Variants in MCM8 observed in about 807,000 individuals in gnomAD.
MCM8 encodes the protein DNA helicase MCM8.
In MCM8, 85 loss-of-function variants were observed where a neutral mutation model predicts 98.9. That is an observed-to-expected ratio of 0.86 (90% CI 0.72 to 1.03). The LOEUF (loss-of-function observed/expected upper bound fraction) is 1.03. Among genes scored for constraint, MCM8 ranks in the 50% least tolerant of loss-of-function variants. The probability of loss-of-function intolerance (pLI) is 0.00; values close to 1 mark genes in which losing one functional copy is unlikely to be tolerated. For missense variants in MCM8, 951 were observed against 997.8 expected (o/e 0.95, Z 0.63); for synonymous variants, 352 against 338.6 (o/e 1.04, Z -0.44).
intron 8 of MCM8, among the ~76,000 whole-genome samples, chr20:5,965,981 A>G (rs767276981): frequency 2.6e-5 from 4 of 152,136 alleles, no homozygotes; most frequent in Non-Finnish European, 2.9e-5. Flanking sequence ...TCTAAGGAAT[A>G]TTCCCAAGTA....
chr20:5,966,204 C>T (rs1369555863), intron 8 of MCM8, among the ~76,000 whole-genome samples: 1 of 152,010 alleles, frequency 6.6e-6, no homozygotes, highest in Non-Finnish European at 1.5e-5. Flanking sequence ...ACCATTTTAT[C>T]TATCATGCTG....
chr20:5,965,965 A>AT (rs1254930808), intron 8 of MCM8, among the ~76,000 whole-genome samples: 2 of 151,970 alleles, frequency 1.3e-5, no homozygotes, highest in Non-Finnish European at 2.9e-5. Flanking sequence ...GCTTCATTGC[A>AT]TTTTTTCTAA....
chr20:5,956,917 T>C (rs543291326), intron 5 of MCM8, among the ~76,000 whole-genome samples: 1 of 152,228 alleles, frequency 6.6e-6, no homozygotes, highest in East Asian at 1.9e-4. Flanking sequence ...TGCTGGAGTT[T>C]TTCAGCACAG....
chr20:5,957,364 A>T lies in MCM8; in HGVS notation c.590+135A>T, dbSNP rs58310169. The T allele has an allele frequency of 5.3e-6, 3 of 571,052 alleles. No individual in the cohort carries two copies. In the African/African-American group the frequency reaches 5.7e-5, roughly 11 times the overall value. The allele number at this position is 571,052 out of a possible 1,614,324, so 35.4% of individuals were successfully genotyped here. A position where few individuals can be genotyped will look rare whatever the true frequency, so the allele number is the denominator to read the frequency against. ...GTTCCTTGCCATCTCATTGATCATC[A>T]CACTGAAATAAACTCATTGAAAATT... On this transcript the variant is annotated intron_variant, in intron 6 of 18. Transcript: ENST00000610722.
At chr20:5,987,529 A>G (rs1334536559) in intron 17 of MCM8, among the ~76,000 whole-genome samples, 171 bp downstream of exon 17, 1 of 152,192 alleles carries the variant, frequency 6.6e-6, no homozygotes, top group Non-Finnish European at 1.5e-5. Context: ...AATAATCTTT[A>G]CATTAGAAAT....
Position 5,983,140 on chromosome 20 carries a change from G to A in MCM8, c.1708G>A (p.Ala570Thr), listed in dbSNP as rs2089662194. ...TCCAGTTGGAGGACATTACAATAAA[G>A]CCAAAACAGTTTCTGAGAATTTAAA... Reference protein sequence around the residue: ...ANPVGGHYNKAKTVSENLKMG... With the variant: ...ANPVGGHYNKTKTVSENLKMG... The change falls in exon 14 of 19, where the codon GCC becomes ACC. Residue 570 changes from alanine (A) to threonine (T), a missense_variant. Ala to Thr is a moderately conservative substitution (Grantham distance 58). Transcript: ENST00000610722. 9 of 1,611,952 alleles carry A rather than the reference G, an allele frequency of 5.6e-6. No individual in the cohort carries two copies. In the East Asian group the frequency reaches 2.0e-4, roughly 36 times the overall value.
At chr20:5,982,268 C>T (rs186385583) in intron 13 of MCM8, among the ~76,000 whole-genome samples, 147 of 152,258 alleles carry the variant, frequency 9.7e-4, no homozygotes, top group African/African-American at 3.5e-3. Context: ...TCCATATACT[C>T]CTCTGTGCTA....
At chr20:5,994,153 T>C (rs1023675996) in intron 18 of MCM8, 146 bp from the exon 19 acceptor site, 2 of 468,772 alleles carry the variant, frequency 4.3e-6, no homozygotes, top group Non-Finnish European at 3.8e-6. Flanking sequence ...AACTCAAATA[T>C]AGGCAGTTTG....
chr20:5,982,367 G>T (rs892608194), intron 13 of MCM8, among the ~76,000 whole-genome samples: 1 of 152,120 alleles, frequency 6.6e-6, no homozygotes, highest in Non-Finnish European at 1.5e-5. Context: ...TAACCTAACT[G>T]GTATGGGGAG....
At chr20:5,975,555 GGCATGATCTTGGCTCACT>G (rs2089492720) in intron 12 of MCM8, among the ~76,000 whole-genome samples, 1 of 147,884 alleles carries the variant, frequency 6.8e-6, no homozygotes, top group Non-Finnish European at 1.5e-5. Flanking sequence ...GGAGTGCAGT[GGCATGATCTTGGCTCACT>G]GCAAGCTCCG....
rs1204697829 is a variant in MCM8 at position 5,995,928 on chromosome 20, A to T, written c.*1537A>T. ...GTTTAACTATAGGACCAGAACTAAGATGTGGAGACTATTGCCATAGACCAC... is the reference window on the plus strand; with the variant it reads ...GTTTAACTATAGGACCAGAACTAAGTTGTGGAGACTATTGCCATAGACCAC... On this transcript the variant is annotated 3_prime_UTR_variant, in exon 19 of 19. Transcript: ENST00000610722. 1.3e-5 allele frequency: 2 copies of T among 152,240 alleles called. No individual in the cohort carries two copies. The highest frequency in any genetic ancestry group is 1.9e-4 in the East Asian group (1 of 5,200). The allele number at this position is 152,240 out of a possible 1,614,324, so 9.4% of individuals were successfully genotyped here. A position where few individuals can be genotyped will look rare whatever the true frequency, so the allele number is the denominator to read the frequency against.
chr20:5,993,868 T>C (rs901234474), intron 18 of MCM8, 173 bp downstream of exon 18: 2 of 516,606 alleles, frequency 3.9e-6, no homozygotes, highest in African/African-American at 1.9e-5. Flanking sequence ...TCTATGTTTT[T>C]CTGACTGTCT....
At chr20:5,963,242 A>C in intron 7 of MCM8, 32 bp from the exon 8 acceptor site, 3 of 1,500,942 alleles carry the variant, frequency 2.0e-6, no homozygotes, top group Non-Finnish European at 2.8e-6. Flanking sequence ...GTTTATCAAA[A>C]TCTGAATGTG....
chr20:5,992,000 C>G (rs564128180), intron 17 of MCM8, among the ~76,000 whole-genome samples: 1 of 152,180 alleles, frequency 6.6e-6, no homozygotes, highest in Admixed American at 6.5e-5. Context: ...TCTGAGTTAC[C>G]AGAGCACTTA....
At chr20:5,960,257 C>A (rs1223057893) in intron 7 of MCM8, among the ~76,000 whole-genome samples, 1 of 151,890 alleles carries the variant, frequency 6.6e-6, no homozygotes, top group Non-Finnish European at 1.5e-5. Context: ...ATCTAATGTT[C>A]ATTTTCCTGT....
At chr20:5,981,622 C>T (rs915277240) in intron 13 of MCM8, among the ~76,000 whole-genome samples, 4 of 151,966 alleles carry the variant, frequency 2.6e-5, no homozygotes, top group Non-Finnish European at 5.9e-5. Context: ...TATACTGTGT[C>T]GGAAGAAATA....
At chr20:5,952,318 A>T in intron 2 of MCM8, 106 bp from the exon 3 acceptor site, 2 of 1,553,300 alleles carry the variant, frequency 1.3e-6, no homozygotes, top group Non-Finnish European at 1.7e-6. Context: ...TTTTACTAAA[A>T]CCCCTAATTT....
intron 5 of MCM8, among the ~76,000 whole-genome samples, chr20:5,955,664 C>T (rs1436936955): frequency 6.6e-6 from 1 of 152,130 alleles, no homozygotes; most frequent in Non-Finnish European, 1.5e-5. Flanking sequence ...CACTGAGTGT[C>T]CCTGTATATC....
intron 3 of MCM8, among the ~76,000 whole-genome samples, chr20:5,953,793 A>G (rs1458473832): frequency 1.3e-5 from 2 of 151,196 alleles, no homozygotes; most frequent in African/African-American, 4.9e-5. Flanking sequence ...TTTTTTTAGG[A>G]AAACTAGACG....
Sources: allele counts gnomAD v4.1 joint callset (sites outside exome capture counted in the v4.1 genomes callset), GRCh38; gene constraint gnomAD v4.1.1; transcripts MANE v1.5; gene names NCBI Gene and HGNC (gene_info 2026-07-23, HGNC 2026-07-21).